Variants in WASHC3 observed in about 807,000 individuals in gnomAD.
WASHC3 encodes WASH complex subunit CCDC53.
Under a neutral mutation model 26.1 loss-of-function variants are expected in WASHC3, and 24 were observed. The observed-to-expected ratio is 0.92, with a 90% CI of 0.66 to 1.29. The LOEUF is 1.29. Ranked by LOEUF, WASHC3 falls within the 50% of genes most tolerant of loss-of-function variation. The probability of loss-of-function intolerance (pLI) is 0.00; values close to 1 mark genes in which losing one functional copy is unlikely to be tolerated. For synonymous variants in WASHC3, 77 were observed against 75.7 expected, an observed-to-expected ratio of 1.02 and a Z score of -0.09; for missense variants, 214 against 229.6, an observed-to-expected ratio of 0.93 and a Z score of 0.44.
chr12:102,061,663 G>T (rs1878816518), intron 1 of WASHC3, among the ~76,000 whole-genome samples: 1 of 152,156 alleles, frequency 6.6e-6, no homozygotes, highest in Admixed American at 6.5e-5. Flanking sequence ...GTGTGTCGCC[G>T]GCGGCAGAGA....
intron 5 of WASHC3, among the ~76,000 whole-genome samples, chr12:102,038,403 G>A (rs1288817511): frequency 2.6e-5 from 4 of 152,130 alleles, no homozygotes; most frequent in Non-Finnish European, 5.9e-5. Context: ...TTTTTACAGA[G>A]TATCACCTAG....
chr12:102,039,746 T>C (rs1055706584), intron 5 of WASHC3, 122 bp downstream of exon 5: 14 of 465,982 alleles, frequency 3.0e-5, no homozygotes, highest in African/African-American at 2.5e-4. Flanking sequence ...AGTAAGAGAA[T>C]AGAAAACTTG....
intron 5 of WASHC3, among the ~76,000 whole-genome samples, chr12:102,033,918 T>C (rs1877543119): frequency 6.6e-6 from 1 of 152,138 alleles, no homozygotes. Context: ...AAGAATTATG[T>C]TGTTATCGGT....
chr12:102,056,386 C>T (rs1878593683), intron 2 of WASHC3, among the ~76,000 whole-genome samples: 1 of 152,094 alleles, frequency 6.6e-6, no homozygotes, highest in Non-Finnish European at 1.5e-5. Context: ...AAATTTGGCC[C>T]TTTTGACAGA....
In WASHC3 at chr12:102,061,262, T is replaced by C. The variant is rs1878797750; in HGVS notation, c.136A>G (p.Thr46Ala). The C allele has an allele frequency of 3.7e-6, 6 of 1,613,440 alleles. 1 individual carries two copies. The Admixed American group carries it at 8.3e-5, about 22-fold the overall frequency. The change falls in exon 2 of 7, where the codon ACA (threonine) becomes GCA (alanine). Residue 46 changes from threonine (T) to alanine (A), a missense_variant. Coordinates refer to ENST00000240079, the MANE Select transcript of WASHC3 (RefSeq NM_016053.4). ...ACCGGACCTACCTCCTCACAAACTG[T>C]AGAAAAGCGGTTGAGGAACTGTACA... ...HTVQFLNRFS[T>A]VCEEKLADLS...
chr12:102,041,606 G>C (rs1012768744), intron 4 of WASHC3, among the ~76,000 whole-genome samples: 7 of 152,022 alleles, frequency 4.6e-5, no homozygotes, highest in Non-Finnish European at 1.0e-4. Flanking sequence ...TCCTTTGTCT[G>C]ATAAGTGAGT....
chr12:102,053,237 G>A (rs1878462976), intron 2 of WASHC3, among the ~76,000 whole-genome samples: 1 of 151,804 alleles, frequency 6.6e-6, no homozygotes, highest in Non-Finnish European at 1.5e-5. Context: ...TCACCCCAGT[G>A]CCAGACCAAC....
rs150230279 is a variant in WASHC3 at position 102,057,479 on chromosome 12, T to C, written c.150+3769A>G. Among the ~76,000 whole-genome samples, 404 of 152,244 alleles carry C rather than the reference T, an allele frequency of 2.7e-3. 3 individuals are homozygous for C. Among genetic ancestry groups the C allele is most frequent in the Non-Finnish European group, 4.1e-3 (279 of 67,954 alleles). ...TTGGAAAAAAGGAAATGAAATTGTTTCTGTTCGCAGATGGCATGCTCTTAT... is the reference window on the plus strand; with the variant it reads ...TTGGAAAAAAGGAAATGAAATTGTTCCTGTTCGCAGATGGCATGCTCTTAT... On this transcript the variant is annotated intron_variant, in intron 2 of 6. Coordinates refer to ENST00000240079, the MANE Select transcript of WASHC3 (RefSeq NM_016053.4).
intron 5 of WASHC3, among the ~76,000 whole-genome samples, chr12:102,038,079 G>A (rs1367500155): frequency 6.6e-6 from 1 of 152,152 alleles, no homozygotes; most frequent in East Asian, 1.9e-4. Flanking sequence ...ACAGGAGTGA[G>A]CCACCATGCC....
rs1471145752 is a variant in WASHC3, at chr12:102,061,282, T to A, written c.116A>T (p.Gln39Leu). Residue 39 changes from glutamine to leucine, a missense_variant, in exon 2 of 7, where the codon CAG becomes CTG. By Grantham distance (113) the Gln-to-Leu change is moderately radical (BLOSUM62 -2). Coordinates refer to ENST00000240079, the MANE Select transcript of WASHC3 (RefSeq NM_016053.4). ...AACTGTAGAAAAGCGGTTGAGGAAC[T>A]GTACAGTGTGCACCACAAATTGGTT... ...FLNQFVVHTV[Q>L]FLNRFSTVCE... 1 of 1,613,908 alleles carries A rather than the reference T, an allele frequency of 6.2e-7. No individual in the cohort carries two copies. The highest frequency in any genetic ancestry group is 2.2e-5 in the East Asian group (1 of 44,884).
intron 2 of WASHC3, chr12:102,050,497 GC>G: frequency 2.4e-6 from 1 of 408,404 alleles, no homozygotes; most frequent in Non-Finnish European, 4.8e-6. Flanking sequence ...CACACAATTA[GC>G]CGGGTGTGGT....
At chr12:102,032,929 A>C (rs1219469208) in intron 5 of WASHC3, among the ~76,000 whole-genome samples, 1 of 152,178 alleles carries the variant, frequency 6.6e-6, no homozygotes, top group Non-Finnish European at 1.5e-5. Flanking sequence ...CAGTGACAGA[A>C]AAAGGCATGG....
At chr12:102,020,311 A>G (rs1565810840) in intron 6 of WASHC3, among the ~76,000 whole-genome samples, 1 of 152,182 alleles carries the variant, frequency 6.6e-6, no homozygotes, top group South Asian at 2.1e-4. Flanking sequence ...GGAGAATGCC[A>G]GTCAGCCAGC....
chr12:102,044,687 CTT>C (rs961876881), intron 3 of WASHC3, among the ~76,000 whole-genome samples: 15 of 152,328 alleles, frequency 9.8e-5, no homozygotes, highest in African/African-American at 3.4e-4. Context: ...TGACAAAACT[CTT>C]GTCTTTACAC....
intron 2 of WASHC3, among the ~76,000 whole-genome samples, chr12:102,048,091 A>T (rs562630874): frequency 6.6e-6 from 1 of 152,212 alleles, no homozygotes; most frequent in Non-Finnish European, 1.5e-5. Context: ...CTAACAAATG[A>T]TCAATTCGTT....
At chr12:102,015,880 C>T (rs1023617495) in intron 6 of WASHC3, among the ~76,000 whole-genome samples, 2 of 152,142 alleles carry the variant, frequency 1.3e-5, no homozygotes, top group Non-Finnish European at 2.9e-5. Flanking sequence ...ATTTACTATA[C>T]TGTACTTTCT....
chr12:102,057,625 G>A (rs189954231), intron 2 of WASHC3, among the ~76,000 whole-genome samples: 98 of 151,012 alleles, frequency 6.5e-4, no homozygotes, highest in Admixed American at 3.5e-3. Context: ...TACACTAAAA[G>A]TAAACTATCT....
chr12:102,048,746 C>A (rs1281855532), intron 2 of WASHC3, among the ~76,000 whole-genome samples: 1 of 151,912 alleles, frequency 6.6e-6, no homozygotes, highest in Non-Finnish European at 1.5e-5. Flanking sequence ...TAATAAAGAA[C>A]CTACTAGTAT....
At chr12:102,057,899 G>GA (rs1019715858) in intron 2 of WASHC3, among the ~76,000 whole-genome samples, 15 of 150,708 alleles carry the variant, frequency 1.0e-4, no homozygotes, top group East Asian at 9.7e-4. Context: ...CACAGTAATA[G>GA]AAAAAAAAAT....
Sources: gnomAD v4.1 joint callset for allele counts (sites outside exome capture counted in the v4.1 genomes callset) on GRCh38, gnomAD v4.1.1 for gene constraint, MANE v1.5 for transcripts, NCBI Gene and HGNC (gene_info 2026-07-23, HGNC 2026-07-21) for gene names.